STAG1: variants seen among roughly 807,000 people sequenced by gnomAD.
The protein encoded by STAG1 is STAG1 cohesin complex component.
A neutral mutation model predicts 170.9 loss-of-function variants in STAG1; 26 were observed. The observed-to-expected ratio is 0.15, with a 90% CI of 0.11 to 0.21. The LOEUF (loss-of-function observed/expected upper bound fraction) is 0.21, where lower values mean the gene tolerates loss of function less well. Among genes scored for constraint, STAG1 ranks in the 10% least tolerant of loss-of-function variants. The pLI is 1.00. For missense variants in STAG1, 964 were observed against 1,509.5 expected (o/e 0.64, Z 5.99); for synonymous variants, 514 against 497.7 (o/e 1.03, Z -0.44).
At chr3:136,490,637 C>A (rs372023567) in intron 9 of STAG1, among the ~76,000 whole-genome samples, 1 of 152,226 alleles carries the variant, frequency 6.6e-6, no homozygotes, top group Non-Finnish European at 1.5e-5. Context: ...CTGACCCCCA[C>A]ATTAGATCAA....
intron 6 of STAG1, among the ~76,000 whole-genome samples, chr3:136,529,551 A>T (rs542566602): frequency 2.0e-5 from 3 of 152,324 alleles, no homozygotes; most frequent in African/African-American, 7.2e-5. Context: ...ATTCAGCAAA[A>T]CTATCTTTAA....
chr3:136,465,534 T>C (rs1325729261), intron 12 of STAG1, among the ~76,000 whole-genome samples: 1 of 110,646 alleles, frequency 9.0e-6, no homozygotes, highest in Non-Finnish European at 1.6e-5. Flanking sequence ...TTCTAGTCTG[T>C]GGGACAGAGC....
At chr3:136,392,338 T>C (rs1010085695) in intron 22 of STAG1, among the ~76,000 whole-genome samples, 75 of 152,316 alleles carry the variant, frequency 4.9e-4, no homozygotes, top group Non-Finnish European at 3.2e-4. Flanking sequence ...CAATAGATTA[T>C]GCATATATTA....
intron 1 of STAG1, among the ~76,000 whole-genome samples, chr3:136,688,891 C>T (rs1942628248): frequency 6.6e-6 from 1 of 152,028 alleles, no homozygotes; most frequent in Non-Finnish European, 1.5e-5. Context: ...AACCTGAGGC[C>T]AAAAAAGCTG....
At chr3:136,399,549 G>A (rs1458901918) in intron 21 of STAG1, among the ~76,000 whole-genome samples, 1 of 152,116 alleles carries the variant, frequency 6.6e-6, no homozygotes, top group African/African-American at 2.4e-5. Context: ...GATGTTGCAT[G>A]TACCTAGAGT....
chr3:136,351,548 T>C (rs1480710986), intron 28 of STAG1, among the ~76,000 whole-genome samples: 1 of 152,166 alleles, frequency 6.6e-6, no homozygotes. Context: ...CCAAGCCACA[T>C]ACGGATCTAT....
intron 1 of STAG1, among the ~76,000 whole-genome samples, chr3:136,671,461 A>C (rs924799554): frequency 2.0e-4 from 31 of 152,248 alleles, no homozygotes; most frequent in African/African-American, 7.0e-4. Flanking sequence ...AAAGGCTAAA[A>C]GTTACTAGTG....
intron 21 of STAG1, among the ~76,000 whole-genome samples, chr3:136,414,212 AT>A (rs58112308): frequency 0.34 from 51,998 of 151,974 alleles, 11,206 homozygotes; most frequent in East Asian, 0.8. Context: ...TTCATAAAAG[AT>A]TTCTCTGTAG....
chr3:136,677,436 A>G (rs1326413240), intron 1 of STAG1, among the ~76,000 whole-genome samples: 1 of 152,212 alleles, frequency 6.6e-6, no homozygotes, highest in Non-Finnish European at 1.5e-5. Flanking sequence ...ACATATGACT[A>G]TATATAAAAA....
chr3:136,436,604 G>A (rs1485741393), intron 15 of STAG1, among the ~76,000 whole-genome samples: 1 of 151,748 alleles, frequency 6.6e-6, no homozygotes, highest in Non-Finnish European at 1.5e-5. Flanking sequence ...TTGATAATTC[G>A]AATAGTTTAG....
At chr3:136,588,532 G>T (rs1380237721) in intron 4 of STAG1, among the ~76,000 whole-genome samples, 6 of 152,084 alleles carry the variant, frequency 3.9e-5, no homozygotes, top group African/African-American at 1.2e-4. Context: ...TAGAAACAGG[G>T]TTTCACCATG....
intron 4 of STAG1, among the ~76,000 whole-genome samples, chr3:136,600,780 G>A (rs1373122833): frequency 6.6e-6 from 1 of 151,926 alleles, no homozygotes; most frequent in Non-Finnish European, 1.5e-5. Flanking sequence ...TGATCTGCCC[G>A]CCTGGGCCTC....
rs1553740668 is a variant in STAG1, at chr3:136,528,505, C to CA, written c.472-7089dup. The stretch of plus-strand genomic sequence containing the variant: ...ACAGATGTCCCCGCACCCCCCCCCC[C>CA]AAAAAATCACTAAGTCCTGGAAAAG... On this transcript the variant is annotated intron_variant, in intron 6 of 33. Transcript: ENST00000383202. Among the ~76,000 whole-genome samples the CA allele has an allele frequency of 1.5e-3, 225 of 146,618 alleles. 3 individuals are homozygous for CA. Among genetic ancestry groups the CA allele is most frequent in the Middle Eastern group, 3.5e-3 (1 of 286 alleles).
intron 9 of STAG1, among the ~76,000 whole-genome samples, chr3:136,484,939 G>A (rs1311185924): frequency 3.9e-5 from 6 of 151,984 alleles, no homozygotes; most frequent in Admixed American, 6.6e-5. Context: ...TTCGGCTCGC[G>A]CACGGTGCGC....
intron 1 of STAG1, among the ~76,000 whole-genome samples, chr3:136,702,462 C>T (rs986374768): frequency 2.6e-5 from 4 of 152,140 alleles, no homozygotes; most frequent in Non-Finnish European, 5.9e-5. Flanking sequence ...TCTCGGCTCA[C>T]CGCAACCTCC....
At chr3:136,536,262 A>G (rs1935616618) in intron 6 of STAG1, among the ~76,000 whole-genome samples, 1 of 152,198 alleles carries the variant, frequency 6.6e-6, no homozygotes, top group African/African-American at 2.4e-5. Flanking sequence ...TTAAAAAACT[A>G]CTAGTACAAT....
intron 5 of STAG1, among the ~76,000 whole-genome samples, chr3:136,559,536 G>A (rs961233177): frequency 7.2e-5 from 11 of 152,122 alleles, no homozygotes; most frequent in Admixed American, 7.2e-4. Context: ...AGGAATTGGG[G>A]TATTTATACA....
At chr3:136,465,940 A>G (rs2089444759) in intron 12 of STAG1, among the ~76,000 whole-genome samples, 1 of 152,096 alleles carries the variant, frequency 6.6e-6, no homozygotes, top group Non-Finnish European at 1.5e-5. Flanking sequence ...GCTACTTGTG[A>G]GGCTAAGAAA....
chr3:136,557,123 G>C (rs1281477267), intron 5 of STAG1, among the ~76,000 whole-genome samples: 2 of 151,812 alleles, frequency 1.3e-5, no homozygotes, highest in Non-Finnish European at 1.5e-5. Context: ...TGTAGTCTCA[G>C]ACACTTGGGA....
Sources: allele counts gnomAD v4.1 joint callset (sites outside exome capture counted in the v4.1 genomes callset), GRCh38; gene constraint gnomAD v4.1.1; transcripts MANE v1.5; gene names NCBI Gene and HGNC (gene_info 2026-07-23, HGNC 2026-07-21).